The following PLEKHG1 variants were observed in gnomAD, a reference collection of about 807,000 sequenced individuals.
PLEKHG1 encodes pleckstrin homology and RhoGEF domain containing G1.
Under a neutral mutation model 100.8 loss-of-function variants are expected in PLEKHG1, and 44 were observed. That is an observed-to-expected ratio of 0.44 (90% confidence interval 0.34 to 0.56). PLEKHG1 has a LOEUF of 0.56. PLEKHG1 is among the 20% of genes least tolerant of loss of function. The pLI is 0.01. For missense variants in PLEKHG1, 1,545 were observed against 1,720.9 expected (o/e 0.90, Z 1.81); for synonymous variants, 640 against 662.5 (o/e 0.97, Z 0.52).
chr6:150,746,692 A>G (rs1039183007), intron 2 of PLEKHG1, among the ~76,000 whole-genome samples: 1 of 152,268 alleles, frequency 6.6e-6, no homozygotes, highest in Admixed American at 6.5e-5. Context: ...TGCATAAACT[A>G]TAGCATTTGC....
At chr6:150,735,276 G>A (rs1362044635) in intron 2 of PLEKHG1, among the ~76,000 whole-genome samples, 4 of 150,026 alleles carry the variant, frequency 2.7e-5, no homozygotes, top group Admixed American at 2.0e-4. Flanking sequence ...ATGAGCCACC[G>A]TGCCTGGCCT....
At chr6:150,619,600 T>G (rs1029268803) in intron 1 of PLEKHG1, among the ~76,000 whole-genome samples, 1 of 152,192 alleles carries the variant, frequency 6.6e-6, no homozygotes, top group African/African-American at 2.4e-5. Context: ...GAACAGATGA[T>G]GAAGGGCATA....
At position 150,722,065 on chromosome 6, in the gene PLEKHG1, T is replaced by C. The variant is rs1404455649; in HGVS notation, c.-99+865T>C. Among the ~76,000 whole-genome samples the C allele has an allele frequency of 2.6e-5, 4 of 152,156 alleles. No homozygotes were observed. The East Asian group carries it at 5.8e-4, about 22-fold the overall frequency. On this transcript the variant is annotated intron_variant, in intron 1 of 15. Coordinates refer to ENST00000358517, the Ensembl canonical transcript of PLEKHG1. ...GAACAAAATTATTCGTTTTACTCAG[T>C]AAAACCGATGTTAACATTTTATTAT...
rs145741276 is a variant in PLEKHG1 at position 150,836,556 on chromosome 6, C to T, written c.3095-3277C>T. On this transcript the variant is annotated intron_variant, in intron 15 of 15. Transcript: ENST00000358517. ...CAGAGGCCAGGCGAGGTGGCTCACA[C>T]GTGTAATCCTAGCACTTTGAGAGGC... is the stretch of plus-strand genomic sequence containing the variant. Among the ~76,000 whole-genome samples, 11 of 152,172 alleles carry T rather than the reference C, an allele frequency of 7.2e-5. No individual in the cohort carries two copies. In the East Asian group the frequency reaches 1.7e-3, roughly 24 times the overall value.
At chr6:150,655,931 A>G (rs1778951831) in intron 3 of PLEKHG1, among the ~76,000 whole-genome samples, 1 of 151,856 alleles carries the variant, frequency 6.6e-6, no homozygotes, top group African/African-American at 2.4e-5. Flanking sequence ...GGAACATCAC[A>G]CACCAGGGCC....
At chr6:150,615,259 T>C (rs955749661) in intron 1 of PLEKHG1, among the ~76,000 whole-genome samples, 2 of 152,018 alleles carry the variant, frequency 1.3e-5, no homozygotes, top group African/African-American at 4.8e-5. Flanking sequence ...GATTATCCGG[T>C]ATTTGAGATG....
chr6:150,632,238 A>G (rs1429390919), intron 1 of PLEKHG1, among the ~76,000 whole-genome samples: 1 of 152,254 alleles, frequency 6.6e-6, no homozygotes, highest in Non-Finnish European at 1.5e-5. Flanking sequence ...TCACCAGGGT[A>G]TGGGCCACGA....
At chr6:150,689,038 C>G (rs906011738) in intron 3 of PLEKHG1, among the ~76,000 whole-genome samples, 3 of 152,218 alleles carry the variant, frequency 2.0e-5, no homozygotes, top group African/African-American at 7.2e-5. Flanking sequence ...ACTCTGTTCT[C>G]CTCTTGTCCT....
intron 3 of PLEKHG1, among the ~76,000 whole-genome samples, chr6:150,682,283 G>A (rs1413631673): frequency 2.0e-5 from 3 of 152,148 alleles, no homozygotes; most frequent in Non-Finnish European, 4.4e-5. Context: ...ACCAGGCCAC[G>A]ATAAAGGCCA....
At chr6:150,807,968 CAAAAAAG>C (rs1039042438) in intron 7 of PLEKHG1, among the ~76,000 whole-genome samples, 1 of 150,902 alleles carries the variant, frequency 6.6e-6, no homozygotes, top group East Asian at 1.9e-4. Flanking sequence ...GACTCTGTCT[CAAAAAAG>C]AAAAAAGAAA....
chr6:150,831,379 G>C lies in PLEKHG1; in HGVS notation c.2268G>C (p.Lys756Asn). The change falls in exon 15 of 16, where the codon AAG becomes AAC. Residue 756 changes from lysine (K) to asparagine (N), a missense_variant. Transcript: ENST00000358517. The surrounding 1 kb of genome is among the most constrained non-coding windows in gnomAD (Gnocchi z 4.1). Reference sequence around the variant, plus strand: ...CAGATCCTCCGTCGCTGGGTTTTAAGTGCAGCAGCCTAAAGCGTGCAAAGC... The same window carrying C: ...CAGATCCTCCGTCGCTGGGTTTTAACTGCAGCAGCCTAAAGCGTGCAAAGC... 2 of 1,614,128 alleles carry C rather than the reference G, an allele frequency of 1.2e-6. No individual in the cohort carries two copies. Among genetic ancestry groups the C allele is most frequent in the Non-Finnish European group, 1.7e-6 (2 of 1,180,032 alleles).
At chr6:150,840,001 C>A in exon 16 of PLEKHG1, 1 of 1,614,130 alleles carries the variant, frequency 6.2e-7, no homozygotes. Flanking sequence ...CTGCATTCAA[C>A]CTATAGTAAT....
At position 150,831,761 on chromosome 6, in the gene PLEKHG1, G is replaced by A. The variant is rs773646644; in HGVS notation, c.2650G>A (p.Val884Met). 33 of 1,613,602 alleles carry A rather than the reference G, an allele frequency of 2.0e-5. No homozygotes were observed. Among genetic ancestry groups the A allele is most frequent in the Non-Finnish European group, 2.5e-5 (30 of 1,180,014 alleles). The change falls in exon 15 of 16, where the codon GTG becomes ATG. Residue 884 changes from valine (V) to methionine (M), a missense_variant. By Grantham distance (21) the Val-to-Met change is conservative. Transcript: ENST00000358517. The surrounding 1 kb of genome is among the most constrained non-coding windows in gnomAD (Gnocchi z 4.1). ...GAGCACCCCTGAGCTGAGCCGGGAC[G>A]TGGGGCGCTCTGTGTCCACGCTGTC...
chr6:150,704,656 T>C (rs1381003455), intron 3 of PLEKHG1, among the ~76,000 whole-genome samples: 2 of 152,268 alleles, frequency 1.3e-5, no homozygotes, highest in Admixed American at 1.3e-4. Flanking sequence ...TGTTGTGCTC[T>C]TGGGCAGGGC....
At chr6:150,665,458 G>A (rs373802045) in intron 3 of PLEKHG1, among the ~76,000 whole-genome samples, 1 of 151,882 alleles carries the variant, frequency 6.6e-6, no homozygotes, top group East Asian at 1.9e-4. Flanking sequence ...GTGAAACCCT[G>A]TCTCTACAAA....
At chr6:150,620,085 T>C (rs2128556739) in intron 1 of PLEKHG1, among the ~76,000 whole-genome samples, 1 of 152,360 alleles carries the variant, frequency 6.6e-6, no homozygotes, top group East Asian at 1.9e-4. Context: ...TCATTACACA[T>C]TTCATATTTT....
At chr6:150,638,356 T>C (rs546642518) in intron 2 of PLEKHG1, among the ~76,000 whole-genome samples, 74 of 152,294 alleles carry the variant, frequency 4.9e-4, no homozygotes, top group African/African-American at 1.8e-3. Context: ...CTCCCAAGTC[T>C]TCTGTAAAAG....
chr6:150,674,545 A>C (rs1394600995), intron 3 of PLEKHG1, among the ~76,000 whole-genome samples: 1 of 151,854 alleles, frequency 6.6e-6, no homozygotes, highest in African/African-American at 2.4e-5. Flanking sequence ...ATCAGTTATT[A>C]TAGACCTACA....
At chr6:150,702,507 AG>A (rs1780832040) in intron 3 of PLEKHG1, among the ~76,000 whole-genome samples, 1 of 151,096 alleles carries the variant, frequency 6.6e-6, no homozygotes, top group Non-Finnish European at 1.5e-5. Flanking sequence ...CACGTTATAA[AG>A]GGCATTGGGA....
Sources: gnomAD v4.1 joint callset for allele counts (sites outside exome capture counted in the v4.1 genomes callset) on GRCh38, gnomAD v4.1.1 for gene constraint, Gnocchi (gnomAD v3.1) non-coding constraint, MANE v1.5 for transcripts, NCBI Gene and HGNC (gene_info 2026-07-23, HGNC 2026-07-21) for gene names.